The following RGS7 variants were observed in gnomAD, a reference collection of about 807,000 sequenced individuals.
RGS7 encodes the protein regulator of G protein signaling 7.
A neutral mutation model predicts 81.1 loss-of-function variants in RGS7; 27 were observed. The observed-to-expected ratio is 0.33, with a 90% CI of 0.25 to 0.46. The LOEUF (loss-of-function observed/expected upper bound fraction) is 0.46, where lower values mean the gene tolerates loss of function less well. Ranked by LOEUF, RGS7 falls within the 20% of genes least tolerant of loss-of-function variation. The pLI is 1.00. For missense variants in RGS7, 396 were observed against 607.4 expected (o/e 0.65, Z 3.66); for synonymous variants, 208 against 207.7 (o/e 1.00, Z -0.01).
intron 2 of RGS7, among the ~76,000 whole-genome samples, chr1:241,169,268 A>C (rs926074839): frequency 1.3e-5 from 2 of 151,994 alleles, no homozygotes; most frequent in African/African-American, 4.8e-5. Flanking sequence ...CTCCTTAAGA[A>C]AATCAAGTCC....
rs1306668783 is a variant in RGS7 at position 241,129,420 on chromosome 1, A to C, written c.79-30658T>G. Among the ~76,000 whole-genome samples the C allele has an allele frequency of 5.3e-5, 8 of 150,998 alleles. No individual in the cohort carries two copies. In the East Asian group the frequency reaches 1.5e-3, roughly 29 times the overall value. On this transcript the variant is annotated intron_variant, in intron 2 of 18. Coordinates refer to ENST00000440928, the MANE Select transcript of RGS7 (RefSeq NM_001364886.1). ...GTATTCTGACTCTACATTCATCAGC[A>C]TGGGACCTTCCCAGCCACGACATTA... is the stretch of plus-strand genomic sequence containing the variant.
At chr1:241,224,191 C>T (rs2075179778) in intron 2 of RGS7, among the ~76,000 whole-genome samples, 1 of 151,952 alleles carries the variant, frequency 6.6e-6, no homozygotes, top group South Asian at 2.1e-4. Context: ...TGGTTTGCTA[C>T]ACCCATCAAC....
intron 9 of RGS7, among the ~76,000 whole-genome samples, chr1:240,850,893 T>C (rs1435011767): frequency 6.6e-6 from 1 of 152,002 alleles, no homozygotes; most frequent in African/African-American, 2.4e-5. Context: ...ATCAATTCTA[T>C]GAAGACTGAA....
intron 2 of RGS7, among the ~76,000 whole-genome samples, chr1:241,110,057 G>C (rs1344184923): frequency 6.6e-6 from 1 of 152,160 alleles, no homozygotes; most frequent in Non-Finnish European, 1.5e-5. Flanking sequence ...TAACACATTT[G>C]AGGGTTAAAT....
At chr1:241,133,307 A>G (rs2067256842) in intron 2 of RGS7, among the ~76,000 whole-genome samples, 1 of 152,080 alleles carries the variant, frequency 6.6e-6, no homozygotes, top group African/African-American at 2.4e-5. Flanking sequence ...AGAAAAAAAT[A>G]ATTATTTCAA....
At chr1:241,283,597 A>G (rs914148922) in intron 2 of RGS7, among the ~76,000 whole-genome samples, 2 of 152,082 alleles carry the variant, frequency 1.3e-5, no homozygotes, top group Admixed American at 6.6e-5. Context: ...TTTGTTTGAC[A>G]TCAATTTCTT....
intron 2 of RGS7, among the ~76,000 whole-genome samples, chr1:241,138,189 A>T (rs1412029703): frequency 1.3e-5 from 2 of 151,924 alleles, no homozygotes; most frequent in African/African-American, 4.8e-5. Flanking sequence ...AAAAAAAAAA[A>T]AAAAAGAGGA....
intron 9 of RGS7, among the ~76,000 whole-genome samples, chr1:240,835,497 C>A (rs1246625570): frequency 6.6e-6 from 1 of 152,200 alleles, no homozygotes; most frequent in Non-Finnish European, 1.5e-5. Context: ...AGTGGGAATG[C>A]AAAATGGTTC....
chr1:241,112,154 T>G (rs1354960572), intron 2 of RGS7, among the ~76,000 whole-genome samples: 1 of 152,086 alleles, frequency 6.6e-6, no homozygotes, highest in Non-Finnish European at 1.5e-5. Context: ...TCCACTGAGA[T>G]GAAACATGAG....
At chr1:241,218,147 T>C (rs1376758957) in intron 2 of RGS7, among the ~76,000 whole-genome samples, 1 of 152,222 alleles carries the variant, frequency 6.6e-6, no homozygotes, top group Non-Finnish European at 1.5e-5. Flanking sequence ...GGCACAGATG[T>C]GTTTCCTGCA....
intron 4 of RGS7, among the ~76,000 whole-genome samples, chr1:240,952,057 G>A (rs1168705187): frequency 2.0e-5 from 3 of 152,168 alleles, no homozygotes; most frequent in East Asian, 3.9e-4. Context: ...AAAAGTAGAG[G>A]AGAAATAAAT....
intron 2 of RGS7, among the ~76,000 whole-genome samples, chr1:241,297,941 T>C (rs1002565268): frequency 6.6e-6 from 1 of 152,132 alleles, no homozygotes; most frequent in African/African-American, 2.4e-5. Context: ...TGTTGCAAAG[T>C]TTAATCACCA....
Position 240,868,659 on chromosome 1 carries a change from C to G in RGS7, c.537G>C (p.Lys179Asn). 1 of 1,614,122 alleles carries G rather than the reference C, an allele frequency of 6.2e-7. No individual in the cohort carries two copies. Among genetic ancestry groups the G allele is most frequent in the East Asian group, 2.2e-5 (1 of 44,876 alleles). The change falls in exon 9 of 19, where the codon AAG becomes AAC. Residue 179 changes from lysine (K) to asparagine (N), a missense_variant. Coordinates refer to ENST00000440928, the MANE Select transcript of RGS7 (RefSeq NM_001364886.1). The surrounding 1 kb of genome is among the most constrained non-coding windows in gnomAD (Gnocchi z 5.1). ...MQAEAQAKVD[K>N]KRDKIERKIL... ...TCTTCCTTTCAATCTTGTCTCTCTTCTTGTCCACTCTGTCAACACAGTAAC... is the reference window on the plus strand; with the variant it reads ...TCTTCCTTTCAATCTTGTCTCTCTTGTTGTCCACTCTGTCAACACAGTAAC...
intron 2 of RGS7, among the ~76,000 whole-genome samples, chr1:241,334,290 T>G (rs1384428920): frequency 6.6e-6 from 1 of 152,154 alleles, no homozygotes; most frequent in African/African-American, 2.4e-5. Flanking sequence ...TTTCCACTAA[T>G]CACAAGGCCG....
At chr1:241,123,965 G>A (rs1465124619) in intron 2 of RGS7, among the ~76,000 whole-genome samples, 1 of 152,104 alleles carries the variant, frequency 6.6e-6, no homozygotes, top group East Asian at 1.9e-4. Context: ...GACCAAAAGA[G>A]GAAGAAAAAT....
chr1:241,278,971 A>G (rs957127822), intron 2 of RGS7, among the ~76,000 whole-genome samples: 1 of 152,170 alleles, frequency 6.6e-6, no homozygotes, highest in East Asian at 1.9e-4. Context: ...CATAAAAGGA[A>G]CACATACCCA....
rs893513666 is a variant in RGS7, at chr1:241,341,922, T to A, written c.78+13777A>T. ...GACAGGGTCTCACTGTCACCCAGGC[T>A]GGAGTGCAGTGGTGCAATCTCAGCT... On this transcript the variant is annotated intron_variant, in intron 2 of 18. Coordinates refer to ENST00000440928, the MANE Select transcript of RGS7 (RefSeq NM_001364886.1). Among the ~76,000 whole-genome samples the A allele has an allele frequency of 2.1e-5, 3 of 143,060 alleles. No homozygotes were observed. In the South Asian group the frequency reaches 7.0e-4, roughly 33 times the overall value. The allele number at this position is 143,060 out of a possible 152,430, so 93.9% of individuals were successfully genotyped here.
At chr1:240,925,095 T>C (rs1307030672) in intron 6 of RGS7, among the ~76,000 whole-genome samples, 1 of 152,108 alleles carries the variant, frequency 6.6e-6, no homozygotes, top group Admixed American at 6.5e-5. Flanking sequence ...CATTGTTCCA[T>C]TTGTACTCAT....
chr1:240,922,933 T>C (rs1673819425), intron 6 of RGS7, among the ~76,000 whole-genome samples: 1 of 152,134 alleles, frequency 6.6e-6, no homozygotes, highest in South Asian at 2.1e-4. Flanking sequence ...CAACTCGTAA[T>C]TGCCATATGT....
Sources: allele counts gnomAD v4.1 joint callset (sites outside exome capture counted in the v4.1 genomes callset), GRCh38; gene constraint gnomAD v4.1.1; non-coding constraint Gnocchi (gnomAD v3.1); transcripts MANE v1.5; gene names NCBI Gene and HGNC (gene_info 2026-07-23, HGNC 2026-07-21).